The following CRYM variants were observed in gnomAD, a reference collection of about 807,000 sequenced individuals.
The protein encoded by CRYM is ketimine reductase mu-crystallin.
Under a neutral mutation model 32.9 loss-of-function variants are expected in CRYM, and 18 were observed. That is an observed-to-expected ratio of 0.55 (90% CI 0.38 to 0.81). The LOEUF is 0.81. CRYM is among the 30% of genes least tolerant of loss of function. CRYM has a pLI of 0.00. For missense variants in CRYM, 337 were observed against 393.5 expected, an observed-to-expected ratio of 0.86 and a Z score of 1.21; for synonymous variants, 153 against 152.4, an observed-to-expected ratio of 1.00 and a Z score of -0.03.
At chr16:21,275,908 T>G (rs1437989194) in intron 2 of CRYM, among the ~76,000 whole-genome samples, 1 of 152,230 alleles carries the variant, frequency 6.6e-6, no homozygotes, top group Non-Finnish European at 1.5e-5. Context: ...ACTGCCCATT[T>G]TCTTTTCTTG....
At chr16:21,283,389 CTT>C (rs2093401489) in intron 1 of CRYM, 1 of 152,172 alleles carries the variant, frequency 6.6e-6, no homozygotes, top group South Asian at 2.1e-4. Context: ...GGATTACTGA[CTT>C]TTCCTTTTGC....
intron 1 of CRYM, among the ~76,000 whole-genome samples, chr16:21,289,294 T>A (rs550604136): frequency 1.3e-5 from 2 of 152,362 alleles, no homozygotes; most frequent in African/African-American, 4.8e-5. Context: ...TTGTATCTTC[T>A]TCATGAATTA....
intron 3 of CRYM, among the ~76,000 whole-genome samples, chr16:21,270,563 C>T (rs762009766): frequency 5.9e-5 from 9 of 152,144 alleles, no homozygotes; most frequent in East Asian, 1.9e-4. Flanking sequence ...GGATTACAGA[C>T]GTGAGCCACC....
intron 6 of CRYM, 50 bp downstream of exon 6, chr16:21,261,987 A>AG: frequency 9.9e-6 from 16 of 1,612,128 alleles, no homozygotes; most frequent in Non-Finnish European, 1.4e-5. Flanking sequence ...CCTGGGATCC[A>AG]GGTGAGGCCA....
At chr16:21,275,722 G>T in intron 2 of CRYM, 128 bp from the exon 3 acceptor site, 1 of 741,298 alleles carries the variant, frequency 1.3e-6, no homozygotes, top group Admixed American at 2.0e-5. Flanking sequence ...TTTGGCGTCA[G>T]ACCTGGATCC....
At chr16:21,284,377 G>C (rs2093404001) in intron 1 of CRYM, among the ~76,000 whole-genome samples, 1 of 152,000 alleles carries the variant, frequency 6.6e-6, no homozygotes, top group African/African-American at 2.4e-5. Flanking sequence ...ACAGTTCCCT[G>C]ACTTTTAGTA....
At chr16:21,272,350 G>A (rs1268723518) in intron 3 of CRYM, among the ~76,000 whole-genome samples, 1 of 152,088 alleles carries the variant, frequency 6.6e-6, no homozygotes, top group African/African-American at 2.4e-5. Context: ...TATCTCTAAA[G>A]CTGTCTCTCA....
intron 1 of CRYM, 33 bp downstream of exon 1, chr16:21,278,049 C>T: frequency 6.5e-7 from 1 of 1,530,996 alleles, no homozygotes; most frequent in Non-Finnish European, 8.8e-7. Flanking sequence ...TTTCCAGTTT[C>T]TCCTGCCCCT....
intron 5 of CRYM, among the ~76,000 whole-genome samples, chr16:21,266,415 C>A (rs1181220639): frequency 6.6e-6 from 1 of 152,004 alleles, no homozygotes; most frequent in Non-Finnish European, 1.5e-5. Context: ...ACAAAGAATT[C>A]ATGACAGCAC....
chr16:21,275,423 A>C (rs2093384269), intron 3 of CRYM, 109 bp downstream of exon 3: 1 of 952,400 alleles, frequency 1.0e-6, no homozygotes, highest in Non-Finnish European at 1.7e-6. Context: ...AGCTATGTCC[A>C]ACAGGAAACC....
In CRYM at chr16:21,262,868, G is replaced by T. The variant is rs1436155880; in HGVS notation, c.674-710C>A. Among the ~76,000 whole-genome samples, 4 of 152,022 alleles carry T rather than the reference G, an allele frequency of 2.6e-5. No homozygotes were observed. The South Asian group carries it at 8.3e-4, about 32-fold the overall frequency. On this transcript the variant is annotated intron_variant, in intron 5 of 7. Transcript: ENST00000572914. ...GTTTGCCAAGGTTAAGGATCTGATG[G>T]GTGAATCCAGGTCTGAGAGAGCACC...
chr16:21,301,092 G>A lies in CRYM; in HGVS notation c.-193+1886C>T, dbSNP rs1378772452. The A allele has an allele frequency of 2.6e-5, 4 of 152,420 alleles. No individual in the cohort carries two copies. In the East Asian group the frequency reaches 7.7e-4, roughly 29 times the overall value. 9.4% of individuals were successfully genotyped at this position (152,420 alleles called of 1,614,324 possible). ...GTCTGCTCCAGGACGGAATCTTTTG[G>A]GTGGCCCGCATGAGGGGTTTGCAGG... is the stretch of plus-strand genomic sequence containing the variant. On this transcript the variant is annotated intron_variant, in intron 1 of 9. Transcript: ENST00000219599.
intron 1 of CRYM, among the ~76,000 whole-genome samples, chr16:21,299,644 T>C (rs933715749): frequency 3.3e-5 from 5 of 152,206 alleles, no homozygotes; most frequent in East Asian, 1.9e-4. Flanking sequence ...GTGTTTTACA[T>C]TGGGCAGGTG....
At position 21,262,200 on chromosome 16, in the gene CRYM, C is replaced by G. The variant is rs146549549; in HGVS notation, c.674-42G>C. On this transcript the variant is annotated intron_variant, in intron 5 of 7. Coordinates refer to ENST00000572914, the MANE Select transcript of CRYM (RefSeq NM_001376256.1). ...CAGACCTTAAGCCCAGGATTAGTGC[C>G]AAAGGCTGCTAAGAAGCCCAAAGCA... is the stretch of plus-strand genomic sequence containing the variant. The G allele has an allele frequency of 5.2e-4, 842 of 1,613,036 alleles. 8 individuals are homozygous for G. In the African/African-American group the frequency reaches 9.7e-3, roughly 19 times the overall value.
chr16:21,270,248 T>C (rs2093372371), intron 3 of CRYM, among the ~76,000 whole-genome samples: 1 of 151,758 alleles, frequency 6.6e-6, no homozygotes, highest in African/African-American at 2.4e-5. Flanking sequence ...ACAACTACTT[T>C]TTAAAATTAT....
At chr16:21,291,810 A>C (rs1381977967) in intron 1 of CRYM, among the ~76,000 whole-genome samples, 2 of 152,058 alleles carry the variant, frequency 1.3e-5, no homozygotes, top group Non-Finnish European at 2.9e-5. Context: ...GTACGTTCTG[A>C]ATATCAGCCC....
intron 1 of CRYM, among the ~76,000 whole-genome samples, chr16:21,285,588 A>T (rs1413917389): frequency 1.3e-5 from 2 of 152,260 alleles, no homozygotes; most frequent in African/African-American, 4.8e-5. Context: ...CAGTCTGGTC[A>T]TCTCTGAAAA....
At chr16:21,269,002 G>A (rs771245163) in intron 4 of CRYM, among the ~76,000 whole-genome samples, 7 of 152,168 alleles carry the variant, frequency 4.6e-5, no homozygotes, top group Non-Finnish European at 7.4e-5. Flanking sequence ...AAATTAGCCA[G>A]GTGTGGTAGT....
At chr16:21,275,979 C>T (rs1327185592) in intron 2 of CRYM, among the ~76,000 whole-genome samples, 1 of 152,176 alleles carries the variant, frequency 6.6e-6, no homozygotes, top group Non-Finnish European at 1.5e-5. Flanking sequence ...TGCCAATTGA[C>T]ATCTGGACAA....
Sources: gnomAD v4.1 joint callset for allele counts (sites outside exome capture counted in the v4.1 genomes callset) on GRCh38, gnomAD v4.1.1 for gene constraint, MANE v1.5 for transcripts, NCBI Gene and HGNC (gene_info 2026-07-23, HGNC 2026-07-21) for gene names.